CDH13: variants seen among roughly 807,000 people sequenced by gnomAD.
The protein encoded by CDH13 is cadherin 13.
Under a neutral mutation model 63.8 loss-of-function variants are expected in CDH13, and 24 were observed. The ratio of observed to expected loss-of-function variants is 0.38; its 90% CI spans 0.27 to 0.53. The LOEUF is 0.53. Among genes scored for constraint, CDH13 ranks in the 20% least tolerant of loss-of-function variants. The pLI is 0.85. For synonymous variants in CDH13, 503 were observed against 355.3 expected (o/e 1.42, Z -4.67); for missense variants, 1,049 against 903.1 (o/e 1.16, Z -2.07).
chr16:83,191,565 A>G (rs1242820697), intron 4 of CDH13, among the ~76,000 whole-genome samples: 1 of 145,094 alleles, frequency 6.9e-6, no homozygotes, highest in Non-Finnish European at 1.5e-5. Flanking sequence ...ATACACACAC[A>G]CATATATATG....
At chr16:82,985,363 T>G (rs1910804145) in intron 2 of CDH13, among the ~76,000 whole-genome samples, 1 of 152,130 alleles carries the variant, frequency 6.6e-6, no homozygotes, top group Non-Finnish European at 1.5e-5. Flanking sequence ...CTCAGAGATC[T>G]TGAAGTAAGT....
At chr16:83,138,681 G>A (rs1448062850) in intron 4 of CDH13, among the ~76,000 whole-genome samples, 1 of 152,182 alleles carries the variant, frequency 6.6e-6, no homozygotes, top group Non-Finnish European at 1.5e-5. Context: ...ATGACTAAGT[G>A]TTATACATTG....
chr16:82,780,940 G>A (rs1037161420), intron 1 of CDH13, among the ~76,000 whole-genome samples: 6 of 152,338 alleles, frequency 3.9e-5, no homozygotes, highest in African/African-American at 1.4e-4. Context: ...TGGACTGGAG[G>A]GAGGAAATCA....
chr16:83,378,812 A>G lies in CDH13; in HGVS notation c.781+33806A>G, dbSNP rs147712829. Among the ~76,000 whole-genome samples, 23 of 152,334 alleles carry G rather than the reference A, an allele frequency of 1.5e-4. No individual in the cohort carries two copies. The East Asian group carries it at 3.3e-3, about 22-fold the overall frequency. On this transcript the variant is annotated intron_variant, in intron 6 of 13. Coordinates refer to ENST00000567109, the MANE Select transcript of CDH13 (RefSeq NM_001257.5). ...CAGTAGAACTGTCGTGACCATTACC[A>G]GAAAGATTTTACAAACACCCTAAAA...
chr16:83,112,753 T>G (rs34803931), intron 3 of CDH13, among the ~76,000 whole-genome samples: 73,020 of 152,004 alleles, frequency 0.48, 18,054 homozygotes, highest in Middle Eastern at 0.56. Flanking sequence ...TGTTTTTCAG[T>G]AAAATATCTG....
chr16:83,130,924 T>G (rs1299940666), intron 4 of CDH13, among the ~76,000 whole-genome samples: 6 of 152,180 alleles, frequency 3.9e-5, no homozygotes, highest in Non-Finnish European at 8.8e-5. Context: ...TGGAGGGTTT[T>G]TCACAACTGG....
intron 5 of CDH13, among the ~76,000 whole-genome samples, chr16:83,255,669 A>G (rs578078176): frequency 6.6e-6 from 1 of 152,262 alleles, no homozygotes; most frequent in East Asian, 1.9e-4. Context: ...GCCTGCTAGG[A>G]TAAATACGGA....
chr16:83,459,648 G>T (rs2073124736), intron 6 of CDH13, among the ~76,000 whole-genome samples: 1 of 152,208 alleles, frequency 6.6e-6, no homozygotes, highest in Non-Finnish European at 1.5e-5. Context: ...TTCTAATGAA[G>T]GAGATTTTGG....
chr16:83,119,880 C>T (rs1268641074), intron 3 of CDH13, among the ~76,000 whole-genome samples: 5 of 152,168 alleles, frequency 3.3e-5, no homozygotes, highest in African/African-American at 1.2e-4. Flanking sequence ...AGACACTTGG[C>T]CACAAACACA....
intron 6 of CDH13, among the ~76,000 whole-genome samples, chr16:83,466,555 C>A (rs1488688368): frequency 6.6e-6 from 1 of 152,180 alleles, no homozygotes; most frequent in African/African-American, 2.4e-5. Context: ...TTAACACACT[C>A]CCCCTAATGA....
At chr16:82,839,491 C>T (rs1336004948) in intron 1 of CDH13, among the ~76,000 whole-genome samples, 2 of 152,174 alleles carry the variant, frequency 1.3e-5, no homozygotes, top group Admixed American at 1.3e-4. Context: ...AAAACCGAAA[C>T]CTAGACAGTC....
intron 2 of CDH13, among the ~76,000 whole-genome samples, chr16:82,942,248 G>C (rs571589692): frequency 1.3e-5 from 2 of 152,102 alleles, no homozygotes; most frequent in East Asian, 3.9e-4. Context: ...GATTTTTCCA[G>C]TTGCTGCCGC....
intron 2 of CDH13, among the ~76,000 whole-genome samples, chr16:82,913,974 C>T (rs1033513580): frequency 1.3e-5 from 2 of 151,590 alleles, no homozygotes; most frequent in Non-Finnish European, 2.9e-5. Context: ...GGGATGTAGA[C>T]ACCACTTGTT....
intron 1 of CDH13, among the ~76,000 whole-genome samples, chr16:82,854,682 A>G (rs1317689853): frequency 1.3e-5 from 2 of 152,216 alleles, no homozygotes; most frequent in Non-Finnish European, 2.9e-5. Flanking sequence ...AGATCCCAGC[A>G]GAAATGTCTC....
At chr16:83,669,979 T>A (rs1914359543) in intron 8 of CDH13, among the ~76,000 whole-genome samples, 1 of 152,226 alleles carries the variant, frequency 6.6e-6, no homozygotes, top group South Asian at 2.1e-4. Context: ...AAATTCTCTA[T>A]CTATGAGAAA....
intron 7 of CDH13, among the ~76,000 whole-genome samples, chr16:83,502,828 A>C (rs2074312015): frequency 6.6e-6 from 1 of 152,326 alleles, no homozygotes; most frequent in East Asian, 1.9e-4. Context: ...GGAGTGTTCT[A>C]ACAGAGGCAC....
At chr16:82,629,650 C>T (rs1299117082) in intron 1 of CDH13, among the ~76,000 whole-genome samples, 1 of 152,142 alleles carries the variant, frequency 6.6e-6, no homozygotes. Flanking sequence ...TCGGGTCTGG[C>T]TTTGGAAGCC....
chr16:83,321,101 A>T (rs1454511519), intron 5 of CDH13, among the ~76,000 whole-genome samples: 2 of 152,222 alleles, frequency 1.3e-5, no homozygotes, highest in South Asian at 2.1e-4. Flanking sequence ...ATAGAAGGAG[A>T]TTGAAATTAA....
intron 1 of CDH13, among the ~76,000 whole-genome samples, chr16:82,684,054 C>T (rs1597315542): frequency 6.6e-6 from 1 of 152,198 alleles, no homozygotes; most frequent in Non-Finnish European, 1.5e-5. Flanking sequence ...TATATTGAGG[C>T]AACCAAATGA....
Sources: gnomAD v4.1 joint callset for allele counts (sites outside exome capture counted in the v4.1 genomes callset) on GRCh38, gnomAD v4.1.1 for gene constraint, MANE v1.5 for transcripts, NCBI Gene and HGNC (gene_info 2026-07-23, HGNC 2026-07-21) for gene names.